The following PPP6R2 variants were observed in gnomAD, a reference collection of about 807,000 sequenced individuals.
PPP6R2 encodes serine/threonine-protein phosphatase 6 regulatory subunit 2.
A neutral mutation model predicts 100.2 loss-of-function variants in PPP6R2; 62 were observed. The ratio of observed to expected loss-of-function variants is 0.62; its 90% CI spans 0.50 to 0.76. The LOEUF (loss-of-function observed/expected upper bound fraction) is 0.76, where lower values mean the gene tolerates loss of function less well. Among genes scored for constraint, PPP6R2 ranks in the 30% least tolerant of loss-of-function variants. PPP6R2 has a pLI of 0.00. For missense variants in PPP6R2, 1,142 were observed against 1,276.3 expected, an observed-to-expected ratio of 0.89 and a Z score of 1.60; for synonymous variants, 525 against 514.7, an observed-to-expected ratio of 1.02 and a Z score of -0.27.
chr22:50,380,182 C>A (rs113587332), intron 2 of PPP6R2, among the ~76,000 whole-genome samples: 1 of 151,870 alleles, frequency 6.6e-6, no homozygotes, highest in African/African-American at 2.4e-5. Flanking sequence ...TGTAGAGACC[C>A]CGTGGTGATA....
At chr22:50,334,091 G>A in the PPP6R2 span, among the ~76,000 whole-genome samples, 1 of 152,250 alleles carries the variant, frequency 6.6e-6, no homozygotes, top group African/African-American at 2.4e-5. Flanking sequence ...GGTGTACAGG[G>A]CGGAACATGA....
chr22:50,352,624 C>T (rs1394014842), intron 1 of PPP6R2, among the ~76,000 whole-genome samples: 1 of 151,770 alleles, frequency 6.6e-6, no homozygotes, highest in Non-Finnish European at 1.5e-5. Context: ...ACTCGGGAGG[C>T]TGAAGCACAA....
chr22:50,440,344 T>C (rs1346703283), intron 21 of PPP6R2, among the ~76,000 whole-genome samples: 1 of 152,136 alleles, frequency 6.6e-6, no homozygotes, highest in Non-Finnish European at 1.5e-5. Flanking sequence ...GACCCCAGCA[T>C]TGAGATGTGT....
intron 1 of PPP6R2, among the ~76,000 whole-genome samples, chr22:50,348,499 C>A (rs1357538486): frequency 1.3e-5 from 2 of 152,128 alleles, no homozygotes; most frequent in Non-Finnish European, 2.9e-5. Flanking sequence ...CCCTTCTAGG[C>A]TTTCTGATGG....
At chr22:50,355,982 A>G (rs1409425539) in intron 1 of PPP6R2, among the ~76,000 whole-genome samples, 1 of 126,760 alleles carries the variant, frequency 7.9e-6, no homozygotes, top group Non-Finnish European at 1.6e-5. Context: ...TTTTTTTTTG[A>G]GACGGAGTCT....
intron 1 of PPP6R2, among the ~76,000 whole-genome samples, chr22:50,365,791 G>GCAAT (rs2048660327): frequency 6.6e-6 from 1 of 151,678 alleles, no homozygotes; most frequent in African/African-American, 2.4e-5. Context: ...TTGCAGTGGT[G>GCAAT]CAATCCTGGC....
intron 2 of PPP6R2, among the ~76,000 whole-genome samples, chr22:50,380,362 G>A (rs375911825): frequency 9.5e-5 from 14 of 147,562 alleles, no homozygotes; most frequent in African/African-American, 3.0e-4. Context: ...GAGCCACCAC[G>A]CCTGATGTTT....
the PPP6R2 span, among the ~76,000 whole-genome samples, chr22:50,337,448 GGT>G: frequency 7.3e-6 from 1 of 136,518 alleles, no homozygotes; most frequent in East Asian, 2.4e-4. Flanking sequence ...GTACGTGTGT[GGT>G]GTGTGTGGTA....
intron 1 of PPP6R2, among the ~76,000 whole-genome samples, chr22:50,347,742 T>G (rs991251885): frequency 6.6e-6 from 1 of 152,124 alleles, no homozygotes; most frequent in Non-Finnish European, 1.5e-5. Flanking sequence ...CTCCTGTGTC[T>G]TGTTCTTTCA....
At chr22:50,333,423 G>A in the PPP6R2 span, among the ~76,000 whole-genome samples, 2 of 150,526 alleles carry the variant, frequency 1.3e-5, no homozygotes, top group Non-Finnish European at 3.0e-5. Flanking sequence ...TGCAAGCTCC[G>A]CCTCCCGGGT....
upstream of PPP6R2, among the ~76,000 whole-genome samples, chr22:50,341,822 G>A (rs977078170): frequency 1.8e-4 from 27 of 150,444 alleles, no homozygotes; most frequent in Middle Eastern, 3.4e-3. Context: ...GTGAAACCCC[G>A]TCTCTACTAA....
intron 12 of PPP6R2, among the ~76,000 whole-genome samples, 157 bp downstream of exon 12, chr22:50,432,486 G>A (rs1269670397): frequency 1.3e-5 from 2 of 152,178 alleles, no homozygotes; most frequent in African/African-American, 4.8e-5. Flanking sequence ...TGCTGTGCAA[G>A]GGGCCCTTCT....
the PPP6R2 span, among the ~76,000 whole-genome samples, chr22:50,336,240 G>A: frequency 1.3e-5 from 2 of 152,044 alleles, no homozygotes; most frequent in Non-Finnish European, 1.5e-5. Context: ...CACCCACCTC[G>A]GCTTCCCAAA....
chr22:50,393,408 G>A (rs1242136953), intron 2 of PPP6R2: 4 of 985,380 alleles, frequency 4.1e-6, no homozygotes, highest in Admixed American at 6.1e-5. Flanking sequence ...GAGGGGAGAT[G>A]TCCAGTGTTC....
intron 1 of PPP6R2, among the ~76,000 whole-genome samples, chr22:50,371,624 T>G (rs2050231055): frequency 6.6e-6 from 1 of 151,130 alleles, no homozygotes; most frequent in Non-Finnish European, 1.5e-5. Context: ...GTTCCATTGC[T>G]TTATTTTTAA....
intron 10 of PPP6R2, among the ~76,000 whole-genome samples, chr22:50,425,881 G>T (rs985111424): frequency 4.8e-4 from 66 of 138,426 alleles, no homozygotes; most frequent in African/African-American, 9.6e-4. Context: ...TTTTTTTTTT[G>T]TTTTTTTTTT....
chr22:50,339,841 TGTG>T (rs2042350968), upstream of PPP6R2, among the ~76,000 whole-genome samples: 1 of 125,836 alleles, frequency 7.9e-6, no homozygotes, highest in South Asian at 2.7e-4. Context: ...GTGTGTGGTG[TGTG>T]GTGTGTGTGT....
chr22:50,422,899 A>G (rs1265364376), intron 9 of PPP6R2, among the ~76,000 whole-genome samples: 1 of 152,104 alleles, frequency 6.6e-6, no homozygotes, highest in African/African-American at 2.4e-5. Context: ...CACCTGTCCC[A>G]CTAGCGAGCT....
chr22:50,336,884 T>G, the PPP6R2 span, among the ~76,000 whole-genome samples: 1 of 152,038 alleles, frequency 6.6e-6, no homozygotes, highest in Non-Finnish European at 1.5e-5. Context: ...TTTTAAAAAT[T>G]TTTGTAGAGA....
Sources: gnomAD v4.1 joint callset for allele counts (sites outside exome capture counted in the v4.1 genomes callset) on GRCh38, gnomAD v4.1.1 for gene constraint, MANE v1.5 for transcripts, NCBI Gene and HGNC (gene_info 2026-07-23, HGNC 2026-07-21) for gene names.